The following TMEM74 variants were observed in gnomAD, a reference collection of about 807,000 sequenced individuals.
TMEM74 encodes the protein transmembrane protein 74.
A neutral mutation model predicts 18.1 loss-of-function variants in TMEM74; 13 were observed. The ratio of observed to expected loss-of-function variants is 0.72; its 90% CI spans 0.47 to 1.14. The LOEUF (loss-of-function observed/expected upper bound fraction) is 1.14, where lower values mean the gene tolerates loss of function less well. Among genes scored for constraint, TMEM74 ranks in the 50% most tolerant of loss-of-function variants. The pLI is 0.00. For synonymous variants in TMEM74, 159 were observed against 146.6 expected, an observed-to-expected ratio of 1.08 and a Z score of -0.61; for missense variants, 372 against 375.9, an observed-to-expected ratio of 0.99 and a Z score of 0.09.
intron 1 of TMEM74, among the ~76,000 whole-genome samples, chr8:108,707,102 G>A (rs555682072): frequency 3.2e-4 from 47 of 144,836 alleles, no homozygotes; most frequent in Non-Finnish European, 5.1e-4. Flanking sequence ...ACCAAACACC[G>A]CATGTTCTCA....
intron 2 of TMEM74, among the ~76,000 whole-genome samples, chr8:108,635,171 A>G (rs543067534): frequency 2.0e-5 from 3 of 151,858 alleles, no homozygotes; most frequent in Non-Finnish European, 4.4e-5. Context: ...TCCTCCCTCA[A>G]ATTTCTCTCC....
intron 1 of TMEM74, among the ~76,000 whole-genome samples, chr8:108,692,937 A>T (rs1813245401): frequency 1.3e-5 from 2 of 152,206 alleles, no homozygotes; most frequent in African/African-American, 2.4e-5. Context: ...ATTGTCAAGG[A>T]TTATACAATC....
intron 2 of TMEM74, among the ~76,000 whole-genome samples, chr8:108,647,103 T>C (rs1316352045): frequency 6.6e-6 from 1 of 152,152 alleles, no homozygotes; most frequent in South Asian, 2.1e-4. Context: ...TCATGTTGTG[T>C]CTGCAGTTCT....
chr8:108,677,051 C>G lies in TMEM74; in HGVS notation n.120-21614G>C, dbSNP rs546705897. Among the ~76,000 whole-genome samples, 12 of 152,348 alleles carry G rather than the reference C, an allele frequency of 7.9e-5. No individual in the cohort carries two copies. In the South Asian group the frequency reaches 1.5e-3, roughly 18 times the overall value. Reference sequence around the variant, plus strand: ...TATTCTTTCCAGCTATTGGCACTTACAGTTTAACCTTCAGCTGTAAAATAC... The same window carrying G: ...TATTCTTTCCAGCTATTGGCACTTAGAGTTTAACCTTCAGCTGTAAAATAC... On this transcript the variant is annotated intron_variant and non_coding_transcript_variant, in intron 1 of 3. Transcript: ENST00000518838.
At chr8:108,679,551 G>A (rs1469783581) in intron 1 of TMEM74, among the ~76,000 whole-genome samples, 6 of 152,282 alleles carry the variant, frequency 3.9e-5, no homozygotes, top group Non-Finnish European at 7.4e-5. Flanking sequence ...GTCTTCTTTT[G>A]AGAAGTGTCT....
downstream of TMEM74, among the ~76,000 whole-genome samples, chr8:108,776,984 G>A (rs1214036032): frequency 6.6e-6 from 1 of 152,146 alleles, no homozygotes; most frequent in Non-Finnish European, 1.5e-5. Flanking sequence ...CTCATATTCT[G>A]TAGTTACAAA....
Position 108,780,423 on chromosome 8 carries a change from G to A in TMEM74, c.*3758C>T, listed in dbSNP as rs1044909163. ...TCAGAAGGTGGTAAAAAAAAATAGA[G>A]CCATTGGGTTCAGGCTTTTAATTCT... On this transcript the variant is annotated 3_prime_UTR_variant, in exon 2 of 2. Transcript: ENST00000297459. Among the ~76,000 whole-genome samples the A allele has an allele frequency of 7.2e-5, 11 of 152,196 alleles. No individual in the cohort carries two copies. The highest frequency in any genetic ancestry group is 3.4e-3 in the Middle Eastern group (1 of 294).
intron 1 of TMEM74, among the ~76,000 whole-genome samples, chr8:108,719,272 T>C (rs1054455870): frequency 2.0e-5 from 3 of 152,130 alleles, no homozygotes; most frequent in African/African-American, 7.2e-5. Context: ...GTTATTTAGA[T>C]GCATTATCAT....
At chr8:108,643,799 C>T (rs1033219655) in intron 2 of TMEM74, among the ~76,000 whole-genome samples, 1 of 150,880 alleles carries the variant, frequency 6.6e-6, no homozygotes, top group African/African-American at 2.4e-5. Flanking sequence ...ACCAAGGAGT[C>T]AAAAGATCTC....
chr8:108,779,348 G>A lies in TMEM74; in HGVS notation c.*4833C>T, dbSNP rs1030550804. On this transcript the variant is annotated 3_prime_UTR_variant, in exon 2 of 2. Transcript: ENST00000297459. ...TTATATGACATTTGTTTGGAGCCTG[G>A]CTAGGAAGCCTGAAGATGGCAGTGA... Among the ~76,000 whole-genome samples the A allele has an allele frequency of 6.6e-6, 1 of 152,086 alleles. No individual in the cohort carries two copies. Among genetic ancestry groups the A allele is most frequent in the Non-Finnish European group, 1.5e-5 (1 of 68,022 alleles).
intron 2 of TMEM74, chr8:108,652,914 TG>T (rs2130572980): frequency 2.5e-6 from 1 of 401,686 alleles, no homozygotes; most frequent in East Asian, 6.8e-5. Flanking sequence ...GTGCCCTGTG[TG>T]AAGAGCGAAG....
At chr8:108,713,828 C>T (rs1300621375) in intron 1 of TMEM74, among the ~76,000 whole-genome samples, 2 of 152,190 alleles carry the variant, frequency 1.3e-5, no homozygotes, top group Non-Finnish European at 2.9e-5. Context: ...ACATCAAACT[C>T]AGTCCAAGTC....
At chr8:108,689,263 A>G (rs1446540058) in intron 1 of TMEM74, among the ~76,000 whole-genome samples, 1 of 152,186 alleles carries the variant, frequency 6.6e-6, no homozygotes, top group Middle Eastern at 3.2e-3. Flanking sequence ...ACAAATACCA[A>G]ATACAACATG....
intron 2 of TMEM74, among the ~76,000 whole-genome samples, chr8:108,624,576 T>C (rs890270019): frequency 2.6e-5 from 4 of 152,136 alleles, no homozygotes; most frequent in Non-Finnish European, 5.9e-5. Context: ...ATACATATCT[T>C]ATTTAAGGTA....
chr8:108,630,398 A>G (rs1586240178), intron 2 of TMEM74, among the ~76,000 whole-genome samples: 1 of 152,148 alleles, frequency 6.6e-6, no homozygotes, highest in East Asian at 1.9e-4. Flanking sequence ...TAACACCCCA[A>G]TGTCAATATT....
chr8:108,765,276 T>C (rs546725540), intron 1 of TMEM74, among the ~76,000 whole-genome samples: 2 of 152,146 alleles, frequency 1.3e-5, no homozygotes, highest in African/African-American at 4.8e-5. Flanking sequence ...CTGCTCTCAC[T>C]GTCAGTGATA....
intron 2 of TMEM74, among the ~76,000 whole-genome samples, chr8:108,614,084 AAAT>A (rs1320557014): frequency 7.3e-5 from 11 of 150,552 alleles, no homozygotes; most frequent in Admixed American, 4.0e-4. Flanking sequence ...AAATGAACTG[AAAT>A]AATCTTTAAT....
intron 2 of TMEM74, among the ~76,000 whole-genome samples, chr8:108,647,973 C>T (rs1486949199): frequency 6.6e-6 from 1 of 152,092 alleles, no homozygotes; most frequent in East Asian, 1.9e-4. Flanking sequence ...AAAGATAATG[C>T]ATTTTGAGCA....
At chr8:108,649,726 C>T (rs1320332470) in intron 2 of TMEM74, among the ~76,000 whole-genome samples, 1 of 152,252 alleles carries the variant, frequency 6.6e-6, no homozygotes, top group East Asian at 1.9e-4. Context: ...TCCCTGAAAA[C>T]CCTAAGTTTG....
Sources: gnomAD v4.1 joint callset for allele counts (sites outside exome capture counted in the v4.1 genomes callset) on GRCh38, gnomAD v4.1.1 for gene constraint, MANE v1.5 for transcripts, NCBI Gene and HGNC (gene_info 2026-07-23, HGNC 2026-07-21) for gene names.